Variants in ERC2 observed in about 807,000 individuals in gnomAD.
ERC2 encodes the protein ERC protein 2.
A neutral mutation model predicts 114.8 loss-of-function variants in ERC2; 42 were observed. The ratio of observed to expected loss-of-function variants is 0.37; its 90% CI spans 0.29 to 0.47. The LOEUF is 0.47. Among genes scored for constraint, ERC2 ranks in the 20% least tolerant of loss-of-function variants. ERC2 has a pLI of 0.99. For missense variants in ERC2, 939 were observed against 1,150.7 expected, an observed-to-expected ratio of 0.82 and a Z score of 2.66; for synonymous variants, 454 against 425.5, an observed-to-expected ratio of 1.07 and a Z score of -0.82.
At chr3:56,196,565 G>A (rs920358176) in intron 3 of ERC2, among the ~76,000 whole-genome samples, 1 of 150,738 alleles carries the variant, frequency 6.6e-6, no homozygotes, top group East Asian at 1.9e-4. Flanking sequence ...AAGATATAAG[G>A]GAAACTGAAT....
chr3:55,952,136 AACACACACAC>A (rs778299355), intron 12 of ERC2, among the ~76,000 whole-genome samples: 10 of 75,420 alleles, frequency 1.3e-4, no homozygotes, highest in African/African-American at 3.9e-4. Context: ...CCATCTCTAA[AACACACACAC>A]ACACACACAC....
At position 56,075,928 on chromosome 3, in the gene ERC2, A is replaced by AT. The variant is rs1336245822; in HGVS notation, c.1641+4888dup. ...TCTTCTCAGGTATTACTATAAAAAAATTTTTTTTTCCAGAAGAAACTCAGT... is the reference window on the plus strand; with the variant it reads ...TCTTCTCAGGTATTACTATAAAAAAATTTTTTTTTTCCAGAAGAAACTCAGT... On this transcript the variant is annotated intron_variant, in intron 7 of 17. Coordinates refer to ENST00000288221, the MANE Select transcript of ERC2 (RefSeq NM_015576.3). Among the ~76,000 whole-genome samples, 6 of 151,774 alleles carry AT rather than the reference A, an allele frequency of 4.0e-5. No individual in the cohort carries two copies. The South Asian group carries it at 8.3e-4, about 21-fold the overall frequency.
chr3:56,042,643 T>C (rs1295391177), intron 7 of ERC2, among the ~76,000 whole-genome samples: 1 of 151,882 alleles, frequency 6.6e-6, no homozygotes, highest in East Asian at 1.9e-4. Flanking sequence ...AAGTGCATAA[T>C]CAATGTTTAA....
chr3:56,243,446 C>T lies in ERC2; in HGVS notation c.1074+52573G>A, dbSNP rs74351649. ...TCAGGACTTGGGTGTTTCCTGTGTT[C>T]AGAGGTCCTGGGGCAATAGAAGGAT... On this transcript the variant is annotated intron_variant, in intron 3 of 17. Transcript: ENST00000288221. 1.6e-3 allele frequency among the ~76,000 whole-genome samples: 246 copies of T among 152,264 alleles called. 2 individuals are homozygous for T. The highest frequency in any genetic ancestry group is 5.6e-3 in the African/African-American group (234 of 41,550).
At chr3:55,567,571 T>C (rs985389751) in intron 17 of ERC2, among the ~76,000 whole-genome samples, 9 of 151,936 alleles carry the variant, frequency 5.9e-5, no homozygotes, top group African/African-American at 2.2e-4. Flanking sequence ...TGGGAGGTGA[T>C]GGTGGCCTGG....
chr3:55,742,605 T>C (rs776937114), intron 14 of ERC2, among the ~76,000 whole-genome samples: 3 of 152,308 alleles, frequency 2.0e-5, no homozygotes, highest in South Asian at 2.1e-4. Flanking sequence ...TCTAATCATA[T>C]TGTGGGGGGA....
intron 10 of ERC2, chr3:56,002,967 C>G (rs578209392): frequency 1.7e-6 from 1 of 599,400 alleles, no homozygotes; most frequent in Admixed American, 2.4e-5. Context: ...CAGATCATTT[C>G]TTTTGACAGA....
Position 55,567,786 on chromosome 3 carries a change from T to C in ERC2, c.*40-56510A>G, listed in dbSNP as rs553972826. On this transcript the variant is annotated intron_variant, in intron 17 of 17. Coordinates refer to ENST00000288221, the MANE Select transcript of ERC2 (RefSeq NM_015576.3). ...GGCCCTGATCAGGGCTTTAGAGTCA[T>C]CACCCATGAAGCCAGGGGGAGGGAT... is the stretch of plus-strand genomic sequence containing the variant. Among the ~76,000 whole-genome samples the C allele has an allele frequency of 5.3e-5, 8 of 152,212 alleles. No individual in the cohort carries two copies. The South Asian group carries it at 1.5e-3, about 28-fold the overall frequency.
intron 8 of ERC2, among the ~76,000 whole-genome samples, chr3:56,015,546 C>G (rs2073247348): frequency 6.6e-6 from 1 of 152,154 alleles, no homozygotes; most frequent in Non-Finnish European, 1.5e-5. Flanking sequence ...TGATCTCATT[C>G]CTTTTCATGG....
intron 7 of ERC2, among the ~76,000 whole-genome samples, chr3:56,035,510 A>AG (rs754988002): frequency 4.6e-5 from 7 of 152,216 alleles, no homozygotes; most frequent in Non-Finnish European, 1.0e-4. Flanking sequence ...CCACAATGCA[A>AG]GAGTACTGTG....
At chr3:56,462,798 G>A (rs1346643912) in intron 1 of ERC2, among the ~76,000 whole-genome samples, 2 of 152,186 alleles carry the variant, frequency 1.3e-5, no homozygotes, top group African/African-American at 4.8e-5. Flanking sequence ...CAAGTAATAA[G>A]TAGTGGCTTA....
chr3:55,673,804 G>GTT (rs10575865), intron 17 of ERC2, among the ~76,000 whole-genome samples: 28 of 113,730 alleles, frequency 2.5e-4, no homozygotes, highest in East Asian at 2.2e-3. Flanking sequence ...TAATTACCAA[G>GTT]TTTTTTTTTT....
At chr3:56,020,399 T>C (rs570016662) in intron 7 of ERC2, among the ~76,000 whole-genome samples, 3 of 152,270 alleles carry the variant, frequency 2.0e-5, no homozygotes, top group Admixed American at 6.5e-5. Context: ...AATTATTCTT[T>C]TCCTTCATCA....
At chr3:55,872,038 G>A (rs904019309) in intron 14 of ERC2, among the ~76,000 whole-genome samples, 5 of 152,194 alleles carry the variant, frequency 3.3e-5, no homozygotes, top group African/African-American at 1.2e-4. Flanking sequence ...GCAAGGAAGT[G>A]GGGAATAGAA....
chr3:55,660,357 G>A (rs780803990), intron 17 of ERC2, among the ~76,000 whole-genome samples: 2 of 152,128 alleles, frequency 1.3e-5, no homozygotes, highest in Non-Finnish European at 2.9e-5. Context: ...TGAGTGCCTG[G>A]TGCAGGGAAG....
rs775270120 is a variant in ERC2, at chr3:55,992,141, G to A, written c.2171C>T (p.Ala724Val). The A allele has an allele frequency of 6.2e-6, 10 of 1,613,758 alleles. No homozygotes were observed. The highest frequency in any genetic ancestry group is 8.5e-6 in the Non-Finnish European group (10 of 1,179,860). ...GATCTCCAGCAACCGGTCCACTTCC[G>A]CTTGGGCCTTGCCACACTCGTCGCG... ...YYRDECGKAQ[A>V]EVDRLLEILK... Residue 724 changes from alanine (A) to valine (V), a missense_variant, in exon 11 of 18, where the codon GCG (alanine) becomes GTG (valine). This residue lies in a region of ERC2 where 328 missense variants were observed against 353.9 expected (regional missense o/e 0.93). Transcript: ENST00000288221.
chr3:56,172,132 T>C (rs1415189648), intron 4 of ERC2, among the ~76,000 whole-genome samples: 1 of 151,938 alleles, frequency 6.6e-6, no homozygotes, highest in Admixed American at 6.6e-5. Context: ...CATTCCCCAG[T>C]GTAGAATGTT....
At chr3:55,988,910 GGAA>G (rs775098076) in intron 11 of ERC2, among the ~76,000 whole-genome samples, 8 of 152,330 alleles carry the variant, frequency 5.3e-5, no homozygotes, top group South Asian at 2.1e-4. Context: ...CTTGACAACT[GGAA>G]GAAGATGTTT....
At chr3:55,901,765 A>G (rs1277020887) in intron 13 of ERC2, among the ~76,000 whole-genome samples, 1 of 152,236 alleles carries the variant, frequency 6.6e-6, no homozygotes, top group African/African-American at 2.4e-5. Flanking sequence ...CGATGAGGCC[A>G]TTCCCATACT....
Sources: allele counts gnomAD v4.1 joint callset (sites outside exome capture counted in the v4.1 genomes callset), GRCh38; gene constraint gnomAD v4.1.1; regional missense constraint gnomAD v4.1.1; transcripts MANE v1.5; gene names NCBI Gene and HGNC (gene_info 2026-07-23, HGNC 2026-07-21).